The following SLX9 variants were observed in gnomAD, a reference collection of about 807,000 sequenced individuals.
SLX9 encodes SLX9 ribosome biogenesis factor.
Under a neutral mutation model 20.8 loss-of-function variants are expected in SLX9, and 19 were observed. That is an observed-to-expected ratio of 0.91 (90% CI 0.64 to 1.34). The LOEUF (loss-of-function observed/expected upper bound fraction) is 1.34. Among genes scored for constraint, SLX9 ranks in the 40% most tolerant of loss-of-function variants. The probability of loss-of-function intolerance (pLI) is 0.00; values close to 1 mark genes in which losing one functional copy is unlikely to be tolerated. For missense variants in SLX9, 299 were observed against 322.2 expected (o/e 0.93, Z 0.55); for synonymous variants, 113 against 137.1 (o/e 0.82, Z 1.23).
intron 4 of SLX9, chr21:44,969,373 AT>A: frequency 2.6e-6 from 1 of 383,130 alleles, no homozygotes. Flanking sequence ...CATCTGAAAA[AT>A]GTGCTTGGCG....
At chr21:44,955,586 C>G (rs994603813) in intron 2 of SLX9, among the ~76,000 whole-genome samples, 1 of 152,116 alleles carries the variant, frequency 6.6e-6, no homozygotes, top group African/African-American at 2.4e-5. Flanking sequence ...TACAATCTGG[C>G]CTCACTGCAG....
chr21:44,959,694 T>A (rs1357640871), intron 2 of SLX9, among the ~76,000 whole-genome samples: 1 of 152,230 alleles, frequency 6.6e-6, no homozygotes, highest in African/African-American at 2.4e-5. Context: ...ACACAGGATC[T>A]TGGGGATGTC....
chr21:44,945,844 G>T (rs2084632048), intron 2 of SLX9, among the ~76,000 whole-genome samples: 2 of 152,256 alleles, frequency 1.3e-5, no homozygotes, highest in Admixed American at 1.3e-4. Context: ...CTGAGTAGCG[G>T]GGACGGGACA....
Position 44,960,072 on chromosome 21 carries a change from T to G in SLX9, c.284-28T>G, listed in dbSNP as rs2084926719. On this transcript the variant is annotated intron_variant, in intron 2 of 5. Coordinates refer to ENST00000291634, the MANE Select transcript of SLX9 (RefSeq NM_058190.4). ...ATGGGAGTGCCACCTGGACACGTTTTGCTCACTCCCGTGTTCTCTTTCCTC... is the reference window on the plus strand; with the variant it reads ...ATGGGAGTGCCACCTGGACACGTTTGGCTCACTCCCGTGTTCTCTTTCCTC... 7 of 1,610,910 alleles carry G rather than the reference T, an allele frequency of 4.3e-6. No individual in the cohort carries two copies. In the East Asian group the frequency reaches 1.6e-4, roughly 36 times the overall value.
chr21:44,971,092 C>T (rs893211246), intron 4 of SLX9, among the ~76,000 whole-genome samples: 3 of 151,882 alleles, frequency 2.0e-5, no homozygotes, highest in Non-Finnish European at 4.4e-5. Context: ...CTCCTGTGTG[C>T]GCTTTGTGGG....
intron 2 of SLX9, among the ~76,000 whole-genome samples, chr21:44,959,741 A>G (rs371653856): frequency 6.6e-6 from 1 of 152,182 alleles, no homozygotes; most frequent in Admixed American, 6.5e-5. Flanking sequence ...GGCCCCCTTC[A>G]TGAGCCGTCG....
intron 5 of SLX9, 126 bp from the exon 6 acceptor site, chr21:44,976,554 C>T (rs2123476212): frequency 7.1e-7 from 1 of 1,410,788 alleles, no homozygotes; most frequent in Non-Finnish European, 9.4e-7. Flanking sequence ...TCCGAGGCCC[C>T]AGTACTCAGT....
chr21:44,941,714 A>T (rs1218555902), intron 1 of SLX9, among the ~76,000 whole-genome samples: 2 of 152,174 alleles, frequency 1.3e-5, no homozygotes, highest in African/African-American at 4.8e-5. Context: ...TGCGTCCTTG[A>T]ACATGCGCAC....
chr21:44,957,323 C>T (rs987533891), intron 2 of SLX9, among the ~76,000 whole-genome samples: 55 of 152,198 alleles, frequency 3.6e-4, no homozygotes, highest in African/African-American at 1.3e-3. Context: ...TCCCACTGGG[C>T]CAGAGGGGCT....
At position 44,976,923 on chromosome 21, in the gene SLX9, G is replaced by C; in HGVS notation, c.*120G>C. 1 of 1,393,262 alleles carries C rather than the reference G, an allele frequency of 7.2e-7. No individual in the cohort carries two copies. Among genetic ancestry groups the C allele is most frequent in the Non-Finnish European group, 9.7e-7 (1 of 1,032,890 alleles). The allele number at this position is 1,393,262 out of a possible 1,614,324, so 86.3% of individuals were successfully genotyped here. On this transcript the variant is annotated 3_prime_UTR_variant, in exon 6 of 6. Coordinates refer to ENST00000291634, the MANE Select transcript of SLX9 (RefSeq NM_058190.4). ...GCCCTTCCCTCTGGTCGGTTGTGGG[G>C]CTCAATAAATGGCTCTGTGAACTTC...
At chr21:44,950,862 G>A (rs111257355) in intron 2 of SLX9, among the ~76,000 whole-genome samples, 1,618 of 152,228 alleles carry the variant, frequency 0.011, 36 homozygotes, top group African/African-American at 0.034. Context: ...GGGGGGTGTC[G>A]GGGGGCTGCT....
intron 4 of SLX9, among the ~76,000 whole-genome samples, chr21:44,968,073 G>C (rs2085071945): frequency 6.6e-6 from 1 of 152,014 alleles, no homozygotes; most frequent in African/African-American, 2.4e-5. Context: ...CCTGGGCCTG[G>C]GCCTGGACCC....
rs2085272350 is a variant in SLX9 at position 44,976,774 on chromosome 21, A to T, written c.664A>T (p.Met222Leu). 6.5e-7 allele frequency: 1 copy of T among 1,549,754 alleles called. No individual in the cohort carries two copies. Among genetic ancestry groups the T allele is most frequent in the Non-Finnish European group, 8.7e-7 (1 of 1,149,182 alleles). The change falls in exon 6 of 6, where the codon ATG (methionine) becomes TTG (leucine). Residue 222 changes from methionine to leucine, a missense_variant. Transcript: ENST00000291634. ...CATCGGGCAGACGCTGGCCCGGCAG[A>T]TGCAGCTGGAAGATGGCGGCCAGCT... ...VAIGQTLARQ[M>L]QLEDGGQL
At chr21:44,971,301 C>CG (rs1304043351) in intron 4 of SLX9, among the ~76,000 whole-genome samples, 1 of 152,174 alleles carries the variant, frequency 6.6e-6, no homozygotes, top group African/African-American at 2.4e-5. Flanking sequence ...CTCGTGGAGT[C>CG]GCGTCCCTGC....
intron 2 of SLX9, among the ~76,000 whole-genome samples, chr21:44,950,498 C>T (rs141609302): frequency 5.3e-5 from 8 of 152,328 alleles, no homozygotes; most frequent in African/African-American, 1.7e-4. Flanking sequence ...TTCTTACCTG[C>T]GCTCCTGCAG....
chr21:44,952,618 C>T (rs746124404), intron 2 of SLX9, among the ~76,000 whole-genome samples: 1 of 152,200 alleles, frequency 6.6e-6, no homozygotes, highest in South Asian at 2.1e-4. Context: ...TGTGGCCCCA[C>T]GCCCAGCAGA....
chr21:44,960,153 G>A lies in SLX9; in HGVS notation c.337G>A (p.Glu113Lys), dbSNP rs141593051. The A allele has an allele frequency of 1.0e-4, 168 of 1,614,262 alleles. No individual in the cohort carries two copies. The African/African-American group carries it at 2.0e-3, about 19-fold the overall frequency. Residue 113 changes from glutamate (E) to lysine (K), a missense_variant, in exon 3 of 6, where the codon GAG becomes AAG. Coordinates refer to ENST00000291634, the MANE Select transcript of SLX9 (RefSeq NM_058190.4). ...PKKEKMKLRR[E>K]QWLQKIEAIK... ...GAAGGAGAAAATGAAGCTGAGGCGT[G>A]AGCAATGGTTGCAGAGTAAGTCCAT... is the stretch of plus-strand genomic sequence containing the variant.
intron 3 of SLX9, among the ~76,000 whole-genome samples, chr21:44,960,752 C>T (rs1462641465): frequency 1.3e-5 from 2 of 152,240 alleles, no homozygotes; most frequent in African/African-American, 2.4e-5. Context: ...CCCAGCTGCA[C>T]GTCTCCGCAG....
Position 44,943,812 on chromosome 21 carries a change from A to G in SLX9, c.258A>G (p.Ala86=). ...GGAGAGGTGAGGCAGGCTCGAGTGC[A>G]CGGAGCGTCCCTTCCATCAGGAGAG... ...SVRRGEAGSS[A]RSVPSIRRGA... The change falls in exon 2 of 6, where the codon GCA becomes GCG. Residue 86 remains alanine, a synonymous_variant. Transcript: ENST00000291634. 1 of 1,612,926 alleles carries G rather than the reference A, an allele frequency of 6.2e-7. No homozygotes were observed. Among genetic ancestry groups the G allele is most frequent in the Admixed American group, 1.7e-5 (1 of 60,004 alleles).
Sources: allele counts gnomAD v4.1 joint callset (sites outside exome capture counted in the v4.1 genomes callset), GRCh38; gene constraint gnomAD v4.1.1; transcripts MANE v1.5; gene names NCBI Gene and HGNC (gene_info 2026-07-23, HGNC 2026-07-21).